STAG1: variants seen among roughly 807,000 people sequenced by gnomAD.
STAG1 encodes the protein STAG1 cohesin complex component.
Under a neutral mutation model 170.9 loss-of-function variants are expected in STAG1, and 26 were observed. That is an observed-to-expected ratio of 0.15 (90% CI 0.11 to 0.21). The LOEUF is 0.21. Ranked by LOEUF, STAG1 falls within the 10% of genes least tolerant of loss-of-function variation. The probability of loss-of-function intolerance (pLI) is 1.00; values close to 1 mark genes in which losing one functional copy is unlikely to be tolerated. For synonymous variants in STAG1, 514 were observed against 497.7 expected (o/e 1.03, Z -0.44); for missense variants, 964 against 1,509.5 (o/e 0.64, Z 5.99).
At chr3:136,518,566 G>A (rs868746279) in intron 7 of STAG1, among the ~76,000 whole-genome samples, 5 of 152,120 alleles carry the variant, frequency 3.3e-5, no homozygotes, top group Middle Eastern at 3.2e-3. Context: ...CAAGCCCTCT[G>A]TGCTTTGTTG....
intron 21 of STAG1, among the ~76,000 whole-genome samples, chr3:136,414,592 C>T (rs150222484): frequency 1.2e-3 from 180 of 152,216 alleles, no homozygotes; most frequent in African/African-American, 4.0e-3. Context: ...CTTCCAAACT[C>T]CTGTTAATGT....
At position 136,663,073 on chromosome 3, in the gene STAG1, AAAATTAAATT is replaced by A. The variant is rs907243711; in HGVS notation, c.-83-32102_-83-32093del. ...TCTCAAATAAATAAAATAAAATAGT[AAAATTAAATT>A]AAATTAAATTAAAATAAAATCAAGT... On this transcript the variant is annotated intron_variant, in intron 1 of 33. Transcript: ENST00000383202. 2.6e-5 allele frequency among the ~76,000 whole-genome samples: 4 copies of A among 152,076 alleles called. No homozygotes were observed. The South Asian group carries it at 6.2e-4, about 24-fold the overall frequency.
At chr3:136,475,524 A>G (rs1035561473) in intron 10 of STAG1, among the ~76,000 whole-genome samples, 19 of 152,064 alleles carry the variant, frequency 1.2e-4, no homozygotes, top group Non-Finnish European at 2.9e-5. Flanking sequence ...GCATCCAGGG[A>G]ATGTGATCTA....
chr3:136,454,555 T>C (rs2089050498), intron 13 of STAG1, among the ~76,000 whole-genome samples: 1 of 150,610 alleles, frequency 6.6e-6, no homozygotes, highest in Non-Finnish European at 1.5e-5. Flanking sequence ...ATTTTTTGTA[T>C]TTTTAGTAGA....
Position 136,369,138 on chromosome 3 carries a change from T to A in STAG1, c.2515A>T (p.Ile839Phe). Reference protein sequence around the residue: ...LLSFVMDHVFIDQDEENQSME... With the variant: ...LLSFVMDHVFFDQDEENQSME... ...CTCTGGTTCTCCTCGTCTTGGTCAA[T>A]AAAAACGTGATCCATCACAAAACTG... The change falls in exon 24 of 34, where the codon ATT (isoleucine) becomes TTT (phenylalanine). Residue 839 changes from isoleucine (I) to phenylalanine (F), a missense_variant. Physicochemically the swap from Ile to Phe is conservative, Grantham distance 21. Coordinates refer to ENST00000383202, the MANE Select transcript of STAG1 (RefSeq NM_005862.3). The A allele has an allele frequency of 6.3e-7, 1 of 1,577,232 alleles. No individual in the cohort carries two copies. The highest frequency in any genetic ancestry group is 1.9e-5 in the Admixed American group (1 of 51,952).
chr3:136,718,990 C>T (rs1345879537), intron 1 of STAG1, among the ~76,000 whole-genome samples: 2 of 152,076 alleles, frequency 1.3e-5, no homozygotes, highest in African/African-American at 4.8e-5. Context: ...AACAATTTAG[C>T]GGTTTCTTAA....
At chr3:136,668,318 A>G (rs1403143122) in intron 1 of STAG1, among the ~76,000 whole-genome samples, 6 of 146,876 alleles carry the variant, frequency 4.1e-5, no homozygotes, top group Non-Finnish European at 7.5e-5. Context: ...CATGACATAT[A>G]TATTATACAT....
chr3:136,437,488 C>T (rs566245179), intron 15 of STAG1, among the ~76,000 whole-genome samples: 1 of 152,198 alleles, frequency 6.6e-6, no homozygotes, highest in Non-Finnish European at 1.5e-5. Context: ...AACTTCCTAA[C>T]ACAACATATA....
chr3:136,477,921 C>T (rs769204511), intron 9 of STAG1, among the ~76,000 whole-genome samples: 1 of 152,104 alleles, frequency 6.6e-6, no homozygotes, highest in Non-Finnish European at 1.5e-5. Flanking sequence ...ACCCAAGTAG[C>T]TGAGACTACA....
At chr3:136,501,205 G>A (rs913728194) in intron 8 of STAG1, among the ~76,000 whole-genome samples, 1 of 152,052 alleles carries the variant, frequency 6.6e-6, no homozygotes, top group African/African-American at 2.4e-5. Flanking sequence ...TAATTTATAA[G>A]AGGCATACAT....
chr3:136,591,055 T>A (rs528541686), intron 4 of STAG1, among the ~76,000 whole-genome samples: 1 of 151,496 alleles, frequency 6.6e-6, no homozygotes, highest in Non-Finnish European at 1.5e-5. Context: ...GCTTTCCCCA[T>A]ATTTTATTAT....
rs553750599 is a variant in STAG1 at position 136,509,180 on chromosome 3, C to T, written c.677-6401G>A. ...AAACAGATAGAGGATAAGAGTATAA[C>T]TGCAGCTAGATAGGTAGGTAGGCTT... On this transcript the variant is annotated intron_variant, in intron 7 of 33. Transcript: ENST00000383202. 2.6e-5 allele frequency among the ~76,000 whole-genome samples: 4 copies of T among 152,344 alleles called. No homozygotes were observed. The East Asian group carries it at 7.7e-4, about 29-fold the overall frequency.
intron 28 of STAG1, among the ~76,000 whole-genome samples, chr3:136,350,573 T>G (rs999118769): frequency 2.0e-5 from 3 of 152,130 alleles, no homozygotes; most frequent in African/African-American, 2.4e-5. Context: ...AGGGGTTACC[T>G]ACTCTCTCCC....
chr3:136,365,332 G>A (rs1283199017), intron 25 of STAG1, among the ~76,000 whole-genome samples: 2 of 152,136 alleles, frequency 1.3e-5, no homozygotes. Flanking sequence ...AAGTTGTTCC[G>A]AATTGAATTA....
intron 6 of STAG1, 42 bp from the exon 7 acceptor site, chr3:136,521,459 A>G (rs761089997): frequency 6.3e-7 from 1 of 1,576,144 alleles, no homozygotes; most frequent in Admixed American, 1.7e-5. Context: ...GTCACATTAC[A>G]GAGTTTGATG....
intron 1 of STAG1, among the ~76,000 whole-genome samples, chr3:136,732,255 A>C (rs1399311439): frequency 1.3e-5 from 2 of 151,730 alleles, no homozygotes; most frequent in East Asian, 3.9e-4. Context: ...AAAAAAAAAA[A>C]AAAACACCTT....
At chr3:136,380,911 T>G (rs1384295827) in intron 22 of STAG1, among the ~76,000 whole-genome samples, 2 of 150,730 alleles carry the variant, frequency 1.3e-5, no homozygotes, top group Non-Finnish European at 2.9e-5. Context: ...TCCCAACTAC[T>G]CAGGAAGCTG....
At chr3:136,711,178 C>T (rs187260313) in intron 1 of STAG1, among the ~76,000 whole-genome samples, 95 of 152,146 alleles carry the variant, frequency 6.2e-4, no homozygotes, top group African/African-American at 2.2e-3. Context: ...CAATTCTGCC[C>T]ATTCCAAAAT....
chr3:136,359,902 A>C (rs1936795751), intron 26 of STAG1, among the ~76,000 whole-genome samples: 1 of 152,252 alleles, frequency 6.6e-6, no homozygotes, highest in Non-Finnish European at 1.5e-5. Context: ...TTGTTTTTAC[A>C]GGAATGACAA....
Sources: allele counts gnomAD v4.1 joint callset (sites outside exome capture counted in the v4.1 genomes callset), GRCh38; gene constraint gnomAD v4.1.1; transcripts MANE v1.5; gene names NCBI Gene and HGNC (gene_info 2026-07-23, HGNC 2026-07-21).